Variants in FBXO40 observed in about 807,000 individuals in gnomAD.
FBXO40 encodes the protein F-box only protein 40.
FBXO40 carries 50 observed loss-of-function variants against 49.9 expected under a neutral mutation model. The ratio of observed to expected loss-of-function variants is 1.00; its 90% CI spans 0.80 to 1.27. FBXO40 has a LOEUF of 1.27. Ranked by LOEUF, FBXO40 falls within the 50% of genes most tolerant of loss-of-function variation. The pLI, the probability that FBXO40 is intolerant of heterozygous loss-of-function variation, is 0.00. For synonymous variants in FBXO40, 340 were observed against 320.2 expected (o/e 1.06, Z -0.66); for missense variants, 895 against 870.1 (o/e 1.03, Z -0.36).
chr3:121,598,451 C>T (rs1445677589), intron 1 of FBXO40, among the ~76,000 whole-genome samples: 1 of 152,204 alleles, frequency 6.6e-6, no homozygotes, highest in Non-Finnish European at 1.5e-5. Context: ...TAAAATTCCC[C>T]TGTCTTAGCA....
intron 1 of FBXO40, among the ~76,000 whole-genome samples, chr3:121,611,616 T>C (rs926976701): frequency 4.6e-5 from 7 of 152,178 alleles, no homozygotes; most frequent in Non-Finnish European, 7.4e-5. Context: ...CAGGAGACAG[T>C]GGCCTTCCTC....
Position 121,627,696 on chromosome 3 carries a change from G to T in FBXO40, c.*786G>T. ...GTAACATTTTAATAATGACTTAAGG[G>T]TCAAGATTTTTTTCTTCTGAAAATT... On this transcript the variant is annotated 3_prime_UTR_variant, in exon 4 of 4. Coordinates refer to ENST00000338040, the MANE Select transcript of FBXO40 (RefSeq NM_016298.4). 1 of 394,722 alleles carries T rather than the reference G, an allele frequency of 2.5e-6. No individual in the cohort carries two copies. Among genetic ancestry groups the T allele is most frequent in the East Asian group, 3.6e-5 (1 of 27,756 alleles). 24.5% of individuals were successfully genotyped at this position (394,722 alleles called of 1,614,324 possible).
At chr3:121,599,565 A>G (rs956906301) in intron 1 of FBXO40, among the ~76,000 whole-genome samples, 1 of 150,802 alleles carries the variant, frequency 6.6e-6, no homozygotes, top group Non-Finnish European at 1.5e-5. Flanking sequence ...GATTTTTGTC[A>G]ACCTTTTCAC....
chr3:121,626,857 G>C lies in FBXO40; in HGVS notation c.2077G>C (p.Glu693Gln). The change falls in exon 4 of 4, where the codon GAG becomes CAG. Residue 693 changes from glutamate to glutamine, a missense_variant. Physicochemically the swap from Glu to Gln is conservative, Grantham distance 29 (BLOSUM62 2). Coordinates refer to ENST00000338040, the MANE Select transcript of FBXO40 (RefSeq NM_016298.4). ...SMCQPREQAR[E>Q]SLVSTFRIRP... is the part of the protein sequence containing the mutation. ...GTGTCAGCCCCGTGAGCAGGCCCGA[G>C]AGAGCTTAGTCTCCACCTTTAGAAT... is the stretch of plus-strand genomic sequence containing the variant. 1 of 1,614,110 alleles carries C rather than the reference G, an allele frequency of 6.2e-7. No individual in the cohort carries two copies. The highest frequency in any genetic ancestry group is 8.5e-7 in the Non-Finnish European group (1 of 1,180,026).
chr3:121,607,943 A>G (rs966104367), intron 1 of FBXO40, among the ~76,000 whole-genome samples: 5 of 152,220 alleles, frequency 3.3e-5, no homozygotes, highest in African/African-American at 1.2e-4. Flanking sequence ...ATGCTTAACT[A>G]TTTTACACTG....
chr3:121,616,379 A>C (rs555310611), intron 1 of FBXO40, among the ~76,000 whole-genome samples: 1 of 152,328 alleles, frequency 6.6e-6, no homozygotes, highest in South Asian at 2.1e-4. Flanking sequence ...TACAGCCAGC[A>C]TCTGTAGCAG....
chr3:121,622,637 C>G lies in FBXO40; in HGVS notation c.1208C>G (p.Ala403Gly). 1 of 1,614,162 alleles carries G rather than the reference C, an allele frequency of 6.2e-7. No individual in the cohort carries two copies. The highest frequency in any genetic ancestry group is 1.3e-5 in the African/African-American group (1 of 75,032). Residue 403 changes from alanine to glycine, a missense_variant, in exon 3 of 4, where the codon GCT becomes GGT. Transcript: ENST00000338040. ...SDLIKTTLQC[A>G]LERELKGHVI... ...CTCATCAAGACCACCCTCCAGTGTG[C>G]TTTGGAAAGAGAACTCAAAGGCCAC...
At chr3:121,618,613 C>T (rs910557815) in intron 1 of FBXO40, among the ~76,000 whole-genome samples, 11 of 150,624 alleles carry the variant, frequency 7.3e-5, no homozygotes, top group East Asian at 1.9e-4. Flanking sequence ...CTAGGCTGGC[C>T]TTGAACTCCT....
intron 1 of FBXO40, among the ~76,000 whole-genome samples, chr3:121,603,377 G>C (rs181993044): frequency 5.3e-5 from 8 of 152,362 alleles, no homozygotes; most frequent in Non-Finnish European, 7.3e-5. Flanking sequence ...ACTATAAAGA[G>C]GTAAATTAAA....
intron 1 of FBXO40, among the ~76,000 whole-genome samples, chr3:121,603,960 TGCCTGTCTCA>T (rs1371647666): frequency 6.6e-6 from 1 of 152,222 alleles, no homozygotes; most frequent in Non-Finnish European, 1.5e-5. Context: ...CCTGGTGATC[TGCCTGTCTCA>T]GCCTCCCAAA....
At chr3:121,625,058 C>G (rs749546079) in intron 3 of FBXO40, among the ~76,000 whole-genome samples, 9 of 152,130 alleles carry the variant, frequency 5.9e-5, no homozygotes, top group Non-Finnish European at 1.3e-4. Flanking sequence ...ACTGATTTCC[C>G]CGGTTCAAGT....
In FBXO40 at chr3:121,606,291, A is replaced by G. The variant is rs375550815; in HGVS notation, c.-31+12789A>G. ...AGTGTAGACCTTCTACTGGCTCACA[A>G]CGGTAGACTAGATTAGCAGACTGGG... On this transcript the variant is annotated intron_variant, in intron 1 of 3. Transcript: ENST00000338040. Among the ~76,000 whole-genome samples, 61 of 152,296 alleles carry G rather than the reference A, an allele frequency of 4.0e-4. 1 individual carries two copies. Among genetic ancestry groups the G allele is most frequent in the Middle Eastern group, 3.4e-3 (1 of 294 alleles).
At chr3:121,600,219 T>TTA (rs1279113048) in intron 1 of FBXO40, among the ~76,000 whole-genome samples, 1 of 130,338 alleles carries the variant, frequency 7.7e-6, no homozygotes, top group African/African-American at 2.9e-5. Flanking sequence ...TTTTTTTTTT[T>TTA]AGTAGAGACG....
Position 121,621,937 on chromosome 3 carries a change from G to A in FBXO40, c.508G>A (p.Gly170Arg). The change falls in exon 3 of 4, where the codon GGA becomes AGA. Residue 170 changes from glycine (G) to arginine (R), a missense_variant. Gly to Arg is a moderately radical substitution (Grantham distance 125). Coordinates refer to ENST00000338040, the MANE Select transcript of FBXO40 (RefSeq NM_016298.4). ...MNGETSVEEM[G>R]GAVGGVDIGL... ...TGGTGAAACCAGTGTGGAGGAAATG[G>A]GAGGAGCAGTGGGTGGAGTGGATAT... 1 of 1,614,194 alleles carries A rather than the reference G, an allele frequency of 6.2e-7. No homozygotes were observed. Among genetic ancestry groups the A allele is most frequent in the Non-Finnish European group, 8.5e-7 (1 of 1,180,040 alleles).
rs2049065238 is a variant in FBXO40 at position 121,627,017 on chromosome 3, G to A, written c.*107G>A. On this transcript the variant is annotated 3_prime_UTR_variant, in exon 4 of 4. Coordinates refer to ENST00000338040, the MANE Select transcript of FBXO40 (RefSeq NM_016298.4). ...ACTCCCTTCTGTAAACTGCCTATTT[G>A]CTTATCGGGGTGTATTGGAACACGC... 9 of 1,003,460 alleles carry A rather than the reference G, an allele frequency of 9.0e-6. No homozygotes were observed. Among genetic ancestry groups the A allele is most frequent in the South Asian group, 4.3e-5 (3 of 69,194 alleles). 62.2% of individuals were successfully genotyped at this position (1,003,460 alleles called of 1,614,324 possible).
chr3:121,597,287 C>A (rs2048877558), intron 1 of FBXO40, among the ~76,000 whole-genome samples: 2 of 152,010 alleles, frequency 1.3e-5, no homozygotes, highest in African/African-American at 4.8e-5. Flanking sequence ...ATGGCATCTA[C>A]AAAGTTTCAG....
At position 121,621,480 on chromosome 3, in the gene FBXO40, A is replaced by T. The variant is rs1372674080; in HGVS notation, c.51A>T (p.Gly17=). 1 of 1,614,162 alleles carries T rather than the reference A, an allele frequency of 6.2e-7. No individual in the cohort carries two copies. Among genetic ancestry groups the T allele is most frequent in the Admixed American group, 1.7e-5 (1 of 60,022 alleles). ...CAGGGCACCACAGGCATTGTGAGGG[A>T]TGCTTCAACCGCCACTGCCACATTC... ...SPPGHHRHCE[G]CFNRHCHIPV... The change falls in exon 3 of 4, where the codon GGA becomes GGT. Residue 17 remains glycine, a synonymous_variant. Transcript: ENST00000338040.
Position 121,628,226 on chromosome 3 carries a change from G to C in FBXO40, c.*1316G>C, listed in dbSNP as rs183477955. 209 of 214,526 alleles carry C rather than the reference G, an allele frequency of 9.7e-4. 1 individual carries two copies. Among genetic ancestry groups the C allele is most frequent in the African/African-American group, 4.5e-3 (198 of 43,866 alleles). The allele number at this position is 214,526 out of a possible 1,614,324, so 13.3% of individuals were successfully genotyped here. ...GAGTTCACTCTTGTTGCCCAGGCTG[G>C]AGCGCAATGACATGATCTCGGCTCA... is the stretch of plus-strand genomic sequence containing the variant. On this transcript the variant is annotated 3_prime_UTR_variant, in exon 4 of 4. Transcript: ENST00000338040.
intron 1 of FBXO40, among the ~76,000 whole-genome samples, chr3:121,615,656 AAAG>A (rs1332348870): frequency 6.6e-6 from 1 of 152,192 alleles, no homozygotes; most frequent in East Asian, 1.9e-4. Context: ...TGTGCTCACT[AAAG>A]GTAGCAGCTG....
Sources: gnomAD v4.1 joint callset for allele counts (sites outside exome capture counted in the v4.1 genomes callset) on GRCh38, gnomAD v4.1.1 for gene constraint, MANE v1.5 for transcripts, NCBI Gene and HGNC (gene_info 2026-07-23, HGNC 2026-07-21) for gene names.